Variants in TTC21A observed in about 807,000 individuals in gnomAD.
TTC21A encodes the protein tetratricopeptide repeat protein 21A.
Under a neutral mutation model 156.4 loss-of-function variants are expected in TTC21A, and 128 were observed. That is an observed-to-expected ratio of 0.82 (90% CI 0.71 to 0.95). The LOEUF is 0.95. TTC21A is among the 40% of genes least tolerant of loss of function. The pLI is 0.00. For missense variants in TTC21A, 1,435 were observed against 1,602.3 expected (o/e 0.90, Z 1.78); for synonymous variants, 587 against 617.1 (o/e 0.95, Z 0.72).
chr3:39,115,991 A>C (rs1176928643), intron 6 of TTC21A, among the ~76,000 whole-genome samples: 1 of 152,236 alleles, frequency 6.6e-6, no homozygotes, highest in Non-Finnish European at 1.5e-5. Flanking sequence ...GCCTGTGTGG[A>C]CCTCAGCTTC....
rs2038657069 is a variant in TTC21A, at chr3:39,130,670, C to T, written c.2320-31C>T. The T allele has an allele frequency of 6.2e-7, 1 of 1,611,720 alleles. No individual in the cohort carries two copies. Among genetic ancestry groups the T allele is most frequent in the Non-Finnish European group, 8.5e-7 (1 of 1,178,428 alleles). ...TCGGGCACTGAAGGGCAGAACCAGGCCAGAGGCTAATATTTACTGTTTGCA... is the reference window on the plus strand; with the variant it reads ...TCGGGCACTGAAGGGCAGAACCAGGTCAGAGGCTAATATTTACTGTTTGCA... On this transcript the variant is annotated intron_variant, in intron 17 of 28. Transcript: ENST00000683103. This position sits in a 1 kb window ranked among gnomAD's most constrained non-coding sequence, Gnocchi z 4.5.
rs1177404887 is a variant in TTC21A, at chr3:39,108,005, C to G, written c.27+141C>G. The stretch of plus-strand genomic sequence containing the variant: ...GTCCTGCCTTTTCTTGCCCCACTCC[C>G]CCTGGCAAGGGCGTCTTCTCCGGTG... On this transcript the variant is annotated intron_variant, in intron 1 of 28. Transcript: ENST00000683103. 6 of 1,033,780 alleles carry G rather than the reference C, an allele frequency of 5.8e-6. No homozygotes were observed. In the Admixed American group the frequency reaches 7.3e-5, roughly 13 times the overall value. 64.0% of individuals were successfully genotyped at this position (1,033,780 alleles called of 1,614,324 possible).
At chr3:39,133,912 G>A (rs1294398778) in intron 20 of TTC21A, among the ~76,000 whole-genome samples, 1 of 152,166 alleles carries the variant, frequency 6.6e-6, no homozygotes, top group East Asian at 1.9e-4. Context: ...GCACCACTTG[G>A]AGGAATGGTA....
rs1001076440 is a variant in TTC21A at position 39,126,377 on chromosome 3, C to T, written c.1509C>T (p.Val503=). The T allele has an allele frequency of 1.9e-6, 3 of 1,613,162 alleles. No homozygotes were observed. The highest frequency in any genetic ancestry group is 1.7e-6 in the Non-Finnish European group (2 of 1,179,530). The change falls in exon 12 of 29, where the codon GTC becomes GTT. Residue 503 remains valine, a synonymous_variant. Coordinates refer to ENST00000683103, the MANE Select transcript of TTC21A (RefSeq NM_001366900.1). ...LIDPLYLMAQ[V]RYYSGELENA... is the part of the protein sequence containing the mutation. ...ACCCCCTGTATTTGATGGCTCAGGT[C>T]AGGTATTACTCAGGTGAGCGGGGGA...
At chr3:39,131,726 C>G (rs1233965337) in intron 19 of TTC21A, 1 of 152,204 alleles carries the variant, frequency 6.6e-6, no homozygotes, top group East Asian at 1.9e-4. Context: ...CGGGGGGTGC[C>G]GAGCATGCTA....
chr3:39,118,830 G>A (rs951529901), intron 7 of TTC21A: 1 of 152,372 alleles, frequency 6.6e-6, no homozygotes, highest in Non-Finnish European at 1.5e-5. Flanking sequence ...CCTCTATGGA[G>A]AGCATGGCAA....
At position 39,138,569 on chromosome 3, in the gene TTC21A, T is replaced by C. The variant is rs1459406545; in HGVS notation, c.3810T>C (p.Ala1270=). The stretch of plus-strand genomic sequence containing the variant: ...TGTCCCCGGTAGGCTTCAAACTTGC[T>C]TTCAACTACCTGAAGGACAAGAAAT... The part of the protein sequence containing the change: ...HANPAIGFKL[A]FNYLKDKKFV... The change falls in exon 28 of 29, where the codon GCT becomes GCC. Residue 1270 remains alanine (A), a synonymous_variant. Coordinates refer to ENST00000683103, the MANE Select transcript of TTC21A (RefSeq NM_001366900.1). 1 of 1,614,232 alleles carries C rather than the reference T, an allele frequency of 6.2e-7. No individual in the cohort carries two copies. Among genetic ancestry groups the C allele is most frequent in the Admixed American group, 1.7e-5 (1 of 60,034 alleles).
chr3:39,121,212 T>C (rs1264052434), intron 9 of TTC21A, 23 bp downstream of exon 9: 1 of 1,596,158 alleles, frequency 6.3e-7, no homozygotes. Flanking sequence ...GTGGCAGGGC[T>C]CAGGGATGGG....
rs1184471610 is a variant in TTC21A, at chr3:39,133,058, G to T, written c.2569G>T (p.Asp857Tyr). 6.2e-7 allele frequency: 1 copy of T among 1,614,016 alleles called. No individual in the cohort carries two copies. The highest frequency in any genetic ancestry group is 1.3e-5 in the African/African-American group (1 of 74,906). ...GCTTGATTGGTTTCTCGAGGCCTTGGACCTCCAGTCTCGGATACTGAAGCG... is the reference window on the plus strand; with the variant it reads ...GCTTGATTGGTTTCTCGAGGCCTTGTACCTCCAGTCTCGGATACTGAAGCG... Reference protein sequence around the residue: ...AVIETLNKALDLQSRILKRVP... With the variant: ...AVIETLNKALYLQSRILKRVP... Residue 857 changes from aspartate (D) to tyrosine (Y), a missense_variant, in exon 20 of 29, where the codon GAC (aspartate) becomes TAC (tyrosine). Physicochemically the swap from Asp to Tyr is radical, Grantham distance 160. Coordinates refer to ENST00000683103, the MANE Select transcript of TTC21A (RefSeq NM_001366900.1).
intron 23 of TTC21A, 60 bp downstream of exon 23, chr3:39,136,567 G>A (rs943265431): frequency 8.9e-6 from 14 of 1,579,064 alleles, no homozygotes; most frequent in Middle Eastern, 1.8e-4. Flanking sequence ...CTGGCAGATA[G>A]GCTAGGCCCT....
At chr3:39,119,695 C>G (rs2037593210) in intron 7 of TTC21A, 1 of 403,722 alleles carries the variant, frequency 2.5e-6, no homozygotes, top group African/African-American at 2.1e-5. Flanking sequence ...GCAGTGCCAG[C>G]TCTGGGTGAA....
intron 11 of TTC21A, 139 bp downstream of exon 11, chr3:39,125,671 G>T (rs896758991): frequency 1.2e-5 from 8 of 694,360 alleles, no homozygotes; most frequent in Non-Finnish European, 1.8e-5. Flanking sequence ...GGGGAGCCCA[G>T]TGCTCTTCAA....
Position 39,137,071 on chromosome 3 carries a change from A to G in TTC21A, c.3257+11A>G. 6.2e-7 allele frequency: 1 copy of G among 1,613,130 alleles called. No individual in the cohort carries two copies. Among genetic ancestry groups the G allele is most frequent in the South Asian group, 1.1e-5 (1 of 91,028 alleles). On this transcript the variant is annotated intron_variant, in intron 24 of 28. Coordinates refer to ENST00000683103, the MANE Select transcript of TTC21A (RefSeq NM_001366900.1). Reference sequence around the variant, plus strand: ...GGGAGCTGAGAGCAAGTAAGGGCCCATGGAGGCAGGGGCGGAACCCTGGGG... The same window carrying G: ...GGGAGCTGAGAGCAAGTAAGGGCCCGTGGAGGCAGGGGCGGAACCCTGGGG...
At chr3:39,136,868 T>A in intron 23 of TTC21A, 31 bp from the exon 24 acceptor site, 1 of 1,612,006 alleles carries the variant, frequency 6.2e-7, no homozygotes, top group Non-Finnish European at 8.5e-7. Context: ...TCAGTTTCCC[T>A]CACTGATTCT....
rs1231663511 is a variant in TTC21A, at chr3:39,134,396, G to T, written c.2862+68G>T. The T allele has an allele frequency of 4.5e-6, 5 of 1,113,220 alleles. No homozygotes were observed. Among genetic ancestry groups the T allele is most frequent in the South Asian group, 2.5e-5 (2 of 81,240 alleles). 69.0% of individuals were successfully genotyped at this position (1,113,220 alleles called of 1,614,324 possible). A position where few individuals can be genotyped will look rare whatever the true frequency, so the allele number is the denominator to read the frequency against. ...CTTCCCAGGGTCCCTGTGACCAGAT[G>T]CAGGCTACTTCCTAGCCCCGTAACC... On this transcript the variant is annotated intron_variant, in intron 21 of 28. Transcript: ENST00000683103. This position sits in a 1 kb window ranked among gnomAD's most constrained non-coding sequence, Gnocchi z 4.6.
intron 9 of TTC21A, 132 bp downstream of exon 9, chr3:39,121,321 AT>A (rs1274673959): frequency 2.7e-6 from 2 of 729,942 alleles, no homozygotes; most frequent in Admixed American, 5.8e-5. Flanking sequence ...ACAATGTATG[AT>A]GGGGTATCTT....
Position 39,125,044 on chromosome 3 carries a change from T to C in TTC21A, c.1094-19T>C. 1 of 1,534,872 alleles carries C rather than the reference T, an allele frequency of 6.5e-7. No homozygotes were observed. The highest frequency in any genetic ancestry group is 9.0e-7 in the Non-Finnish European group (1 of 1,107,776). ...TGCTTCAGTGTTAGCTGCTCATCAT[T>C]GTTTTGTCCCATTTACAGGGATCAT... On this transcript the variant is annotated intron_variant, in intron 9 of 28. Coordinates refer to ENST00000683103, the MANE Select transcript of TTC21A (RefSeq NM_001366900.1).
intron 5 of TTC21A, among the ~76,000 whole-genome samples, chr3:39,113,323 C>G (rs2036989878): frequency 6.6e-6 from 1 of 152,140 alleles, no homozygotes; most frequent in Non-Finnish European, 1.5e-5. Flanking sequence ...TTATTGTGAG[C>G]CAGCTTATCA....
At chr3:39,115,362 AT>A (rs1342523385) in intron 6 of TTC21A, among the ~76,000 whole-genome samples, 2 of 149,302 alleles carry the variant, frequency 1.3e-5, no homozygotes, top group Non-Finnish European at 3.0e-5. Context: ...AAAAAAAAAA[AT>A]TATCTCTTTA....
Sources: allele counts gnomAD v4.1 joint callset (sites outside exome capture counted in the v4.1 genomes callset), GRCh38; gene constraint gnomAD v4.1.1; non-coding constraint Gnocchi (gnomAD v3.1); transcripts MANE v1.5; gene names NCBI Gene and HGNC (gene_info 2026-07-23, HGNC 2026-07-21).